C16orf46: variants seen among roughly 807,000 people sequenced by gnomAD.
The protein encoded by C16orf46 is uncharacterized protein C16orf46.
C16orf46 carries 7 observed loss-of-function variants against 5.5 expected under a neutral mutation model. The ratio of observed to expected loss-of-function variants is 1.28; its 90% CI spans 0.73 to 2.40. The LOEUF (loss-of-function observed/expected upper bound fraction) is 2.40, where lower values mean the gene tolerates loss of function less well. Ranked by LOEUF, C16orf46 falls within the 30% of genes most tolerant of loss-of-function variation. C16orf46 has a pLI of 0.00. For synonymous variants in C16orf46, 200 were observed against 184.1 expected, an observed-to-expected ratio of 1.09 and a Z score of -0.70; for missense variants, 614 against 476.0, an observed-to-expected ratio of 1.29 and a Z score of -2.70.
At chr16:81,057,953 C>G (rs1971351628), downstream of C16orf46, 1 of 159,118 alleles carries the variant, frequency 6.3e-6, no homozygotes, top group Non-Finnish European at 1.4e-5. Flanking sequence ...TCACTTGAAC[C>G]CGGGAGGCGG....
chr16:81,065,265 G>A (rs184622534), intron 2 of C16orf46, among the ~76,000 whole-genome samples: 1 of 152,148 alleles, frequency 6.6e-6, no homozygotes, highest in Non-Finnish European at 1.5e-5. Flanking sequence ...TTGAGGTTAG[G>A]TGTTGAGACC....
rs2287994 is a variant in C16orf46, at chr16:81,061,467, C to T, written c.882G>A (p.Pro294=). The stretch of plus-strand genomic sequence containing the variant: ...GGGACCAATGCAGGCAGCGCTGCTC[C>T]GGATCGGTCAGCAGGGATATCTGGG... ...PAAQISLLTD[P]EQRCLHWSLL... Residue 294 remains proline, a synonymous_variant, in exon 4 of 4, where the codon CCG becomes CCA. Transcript: ENST00000299578. The T allele has an allele frequency of 2.9e-3, 4,641 of 1,614,076 alleles. 200 individuals carry two copies. The East Asian group carries it at 0.088, about 31-fold the overall frequency.
intron 2 of C16orf46, among the ~76,000 whole-genome samples, chr16:81,065,429 G>A (rs370576115): frequency 2.0e-5 from 3 of 147,928 alleles, no homozygotes; most frequent in Admixed American, 6.8e-5. Context: ...AGCCAAGATC[G>A]TGCCACTGCA....
intron 1 of C16orf46, among the ~76,000 whole-genome samples, chr16:81,069,251 C>G (rs1335159568): frequency 2.6e-5 from 4 of 152,108 alleles, no homozygotes; most frequent in African/African-American, 7.2e-5. Context: ...TCAAGACAGG[C>G]AAGGATAGGC....
intron 1 of C16orf46, among the ~76,000 whole-genome samples, chr16:81,068,016 G>A (rs2151754428): frequency 6.6e-6 from 1 of 152,190 alleles, no homozygotes; most frequent in Admixed American, 6.5e-5. Flanking sequence ...AGTACACAAG[G>A]GCTTCTCATT....
intron 1 of C16orf46, among the ~76,000 whole-genome samples, chr16:81,070,665 G>T (rs570143311): frequency 6.6e-6 from 1 of 152,122 alleles, no homozygotes; most frequent in African/African-American, 2.4e-5. Flanking sequence ...TTTTATTTGG[G>T]GGTTTCCTGT....
At chr16:81,053,560 A>T (rs1971208465) in exon 4 of C16orf46, 1 of 152,324 alleles carries the variant, frequency 6.6e-6, no homozygotes, top group Non-Finnish European at 1.5e-5. Context: ...CTTTGTTCTA[A>T]CTCCACGCAT....
chr16:81,053,707 T>A, exon 4 of C16orf46: 1 of 183,698 alleles, frequency 5.4e-6, no homozygotes, highest in Non-Finnish European at 1.1e-5. Context: ...TTTAAACAAG[T>A]CATACTCTTT....
At chr16:81,065,436 T>C (rs1345624901) in intron 2 of C16orf46, among the ~76,000 whole-genome samples, 1 of 139,724 alleles carries the variant, frequency 7.2e-6, no homozygotes, top group Non-Finnish European at 1.5e-5. Flanking sequence ...ATCGTGCCAC[T>C]GCACTCCAGC....
At chr16:81,075,755 T>C (rs1192317013) in intron 1 of C16orf46, among the ~76,000 whole-genome samples, 1 of 152,224 alleles carries the variant, frequency 6.6e-6, no homozygotes, top group Non-Finnish European at 1.5e-5. Flanking sequence ...AGTCTGTCTA[T>C]ATAGTCAGAT....
At chr16:81,064,754 A>G (rs1382913937) in intron 2 of C16orf46, among the ~76,000 whole-genome samples, 1 of 152,028 alleles carries the variant, frequency 6.6e-6, no homozygotes, top group African/African-American at 2.4e-5. Flanking sequence ...CTCAAAAAAA[A>G]AAAAAAAAAG....
In C16orf46 at chr16:81,061,646, G is replaced by A. The variant is rs758276184; in HGVS notation, c.703C>T (p.Gln235Ter). ...LGKKSKNSFL[Q>*]SEEKVLDVEK... is the part of the protein sequence containing the mutation. ...ACATCCAGCACCTTCTCTTCTGACT[G>A]CAAGAAAGAGTTCTTACTCTTCTTA... Residue 235 changes from glutamine (Q) to a stop codon, truncating the protein, a stop_gained, in exon 4 of 4, where the codon CAG (glutamine) becomes TAG (stop). Coordinates refer to ENST00000299578, the MANE Select transcript of C16orf46 (RefSeq NM_152337.3). LOFTEE classifies it low-confidence loss of function (END_TRUNC). The A allele has an allele frequency of 4.3e-6, 7 of 1,614,022 alleles. No homozygotes were observed. In the Admixed American group the frequency reaches 5.0e-5, roughly 12 times the overall value.
At position 81,061,207 on chromosome 16, in the gene C16orf46, G is replaced by A. The variant is rs147907363; in HGVS notation, c.1142C>T (p.Thr381Ile). 6.2e-7 allele frequency: 1 copy of A among 1,613,966 alleles called. No individual in the cohort carries two copies. Among genetic ancestry groups the A allele is most frequent in the Admixed American group, 1.7e-5 (1 of 60,000 alleles). ...VFPRPVLPSL[T>I]VSRVIIPVST... is the part of the protein sequence containing the mutation. ...GACAGGAATGATAACTCTGCTCACT[G>A]TGAGAGACGGCAAGACAGGTCTTGG... The change falls in exon 4 of 4, where the codon ACA becomes ATA. Residue 381 changes from threonine (T) to isoleucine (I), a missense_variant. Transcript: ENST00000299578.
At chr16:81,060,820 T>C (rs965190999), downstream of C16orf46, 5 of 295,458 alleles carry the variant, frequency 1.7e-5, no homozygotes, top group Non-Finnish European at 2.3e-5. Flanking sequence ...AGGAGGCCCT[T>C]TGGATTCCCC....
At chr16:81,073,820 A>C (rs192106840) in intron 1 of C16orf46, among the ~76,000 whole-genome samples, 41 of 152,344 alleles carry the variant, frequency 2.7e-4, no homozygotes, top group Admixed American at 5.9e-4. Flanking sequence ...GTGAGGAATT[A>C]AACAGGGATC....
intron 1 of C16orf46, among the ~76,000 whole-genome samples, chr16:81,072,816 C>T (rs868220328): frequency 1.3e-5 from 2 of 152,180 alleles, no homozygotes; most frequent in African/African-American, 4.8e-5. Context: ...ATTCTCAAGC[C>T]TCAGTCTCCT....
Position 81,061,833 on chromosome 16 carries a change from G to C in C16orf46, c.516C>G (p.Asn172Lys), listed in dbSNP as rs149630546. 1.7e-5 allele frequency: 28 copies of C among 1,614,084 alleles called. No homozygotes were observed. Among genetic ancestry groups the C allele is most frequent in the Non-Finnish European group, 2.3e-5 (27 of 1,180,042 alleles). The part of the protein sequence containing the change: ...SLQIKEFIWC[N>K]KDWAIPGTNR... ...TAGTGCCGGGGATGGCCCAGTCTTT[G>C]TTGCACCAAATAAACTCCTTGATTT... The change falls in exon 4 of 4, where the codon AAC becomes AAG. Residue 172 changes from asparagine to lysine, a missense_variant. Physicochemically the swap from Asn to Lys is moderately conservative, Grantham distance 94 (BLOSUM62 0). Transcript: ENST00000299578.
At position 81,063,929 on chromosome 16, in the gene C16orf46, A is replaced by G; in HGVS notation, c.27T>C (p.Thr9=). Residue 9 remains threonine, a synonymous_variant, in exon 3 of 4, where the codon ACT becomes ACC. Transcript: ENST00000299578. The part of the protein sequence containing the change: MDLCQKNE[T]DLENAENNEI... ...CATTATTTTCAGCATTTTCTAAGTC[A>G]GTCTCATTTTTCTGACAGAGATCCA... is the stretch of plus-strand genomic sequence containing the variant. 1 of 1,613,290 alleles carries G rather than the reference A, an allele frequency of 6.2e-7. No individual in the cohort carries two copies. Among genetic ancestry groups the G allele is most frequent in the Non-Finnish European group, 8.5e-7 (1 of 1,179,616 alleles).
downstream of C16orf46, chr16:81,060,967 C>G (rs939799753): frequency 1.3e-5 from 18 of 1,359,724 alleles, 1 homozygote; most frequent in Non-Finnish European, 1.6e-5. Flanking sequence ...GAAAATAAAT[C>G]CCAACAATCC....
Sources: gnomAD v4.1 joint callset for allele counts (sites outside exome capture counted in the v4.1 genomes callset) on GRCh38, gnomAD v4.1.1 for gene constraint, MANE v1.5 for transcripts, NCBI Gene and HGNC (gene_info 2026-07-23, HGNC 2026-07-21) for gene names.